FUT8: variants seen among roughly 807,000 people sequenced by gnomAD.
The protein encoded by FUT8 is fucosyltransferase 8.
In FUT8, 29 loss-of-function variants were observed where a neutral mutation model predicts 71.3. That is an observed-to-expected ratio of 0.41 (90% CI 0.30 to 0.55). The LOEUF is 0.55. FUT8 is among the 20% of genes least tolerant of loss of function. The pLI is 0.34. For synonymous variants in FUT8, 254 were observed against 239.3 expected (o/e 1.06, Z -0.57); for missense variants, 544 against 702.1 (o/e 0.77, Z 2.55).
At position 65,467,695 on chromosome 14, in the gene FUT8, C is replaced by T. The variant is rs956723905; in HGVS notation, c.-228+11977C>T. The stretch of plus-strand genomic sequence containing the variant: ...TTCACTATGTTGGCCAGGCTGGTCT[C>T]GAACTCCTGACCTCATGGTCTGCCC... On this transcript the variant is annotated intron_variant, in intron 2 of 10. Transcript: ENST00000673929. This position sits in a 1 kb window ranked among gnomAD's most constrained non-coding sequence, Gnocchi z 4.1. The T allele has an allele frequency of 5.5e-6, 2 of 366,666 alleles. No homozygotes were observed. Among genetic ancestry groups the T allele is most frequent in the Non-Finnish European group, 1.0e-5 (2 of 194,462 alleles). The allele number at this position is 366,666 out of a possible 1,614,324, so 22.7% of individuals were successfully genotyped here.
intron 3 of FUT8, among the ~76,000 whole-genome samples, chr14:65,577,111 A>C (rs906088855): frequency 1.3e-5 from 2 of 151,916 alleles, no homozygotes; most frequent in African/African-American, 4.8e-5. Flanking sequence ...CAGCCTTCCA[A>C]AGTGCTGGGA....
At chr14:65,456,606 G>A (rs1349014977) in intron 2 of FUT8, among the ~76,000 whole-genome samples, 2 of 152,060 alleles carry the variant, frequency 1.3e-5, no homozygotes, top group Non-Finnish European at 2.9e-5. Flanking sequence ...GGGGCATGGT[G>A]GCTCAAACCT....
At chr14:65,412,150 A>G (rs1338836192), upstream of FUT8, 14 of 456,174 alleles carry the variant, frequency 3.1e-5, no homozygotes, top group Admixed American at 1.4e-4. Flanking sequence ...TTTCTCTTCG[A>G]GTGAATGTGG....
intron 2 of FUT8, 76 bp from the exon 3 acceptor site, chr14:65,561,261 T>C: frequency 3.7e-6 from 1 of 272,848 alleles, no homozygotes; most frequent in African/African-American, 2.2e-5. Flanking sequence ...CACCAATGTG[T>C]TTCCTCCAAG....
At chr14:65,439,993 T>TATATAC (rs1555361023) in intron 1 of FUT8, among the ~76,000 whole-genome samples, 9 of 138,162 alleles carry the variant, frequency 6.5e-5, no homozygotes, top group African/African-American at 2.1e-4. Context: ...TATATATATG[T>TATATAC]ACACACACAC....
At chr14:65,403,795 T>A in the FUT8 span, among the ~76,000 whole-genome samples, 1 of 151,852 alleles carries the variant, frequency 6.6e-6, no homozygotes, top group African/African-American at 2.4e-5. Context: ...CTACCCATCC[T>A]TCCCCAGATT....
chr14:65,541,940 C>T (rs534826722), intron 2 of FUT8, among the ~76,000 whole-genome samples: 1 of 152,252 alleles, frequency 6.6e-6, no homozygotes, highest in African/African-American at 2.4e-5. Flanking sequence ...CCAGCATGTT[C>T]TTAATAATAG....
intron 2 of FUT8, among the ~76,000 whole-genome samples, chr14:65,504,093 A>G (rs2066688315): frequency 6.6e-6 from 1 of 152,160 alleles, no homozygotes; most frequent in African/African-American, 2.4e-5. Context: ...AGCTGTTTGA[A>G]TTTCTTACTT....
intron 9 of FUT8, among the ~76,000 whole-genome samples, chr14:65,728,514 A>G (rs1895800164): frequency 6.6e-6 from 1 of 152,228 alleles, no homozygotes; most frequent in African/African-American, 2.4e-5. Flanking sequence ...CAGCCAAACC[A>G]TATCATTACC....
chr14:65,654,784 A>AC (rs1319993594), intron 6 of FUT8, among the ~76,000 whole-genome samples: 4 of 152,192 alleles, frequency 2.6e-5, no homozygotes, highest in African/African-American at 9.6e-5. Flanking sequence ...AAAGTGGCGT[A>AC]CTTAAATCCC....
At chr14:65,367,175 G>C in the FUT8 span, among the ~76,000 whole-genome samples, 1 of 152,156 alleles carries the variant, frequency 6.6e-6, no homozygotes, top group Non-Finnish European at 1.5e-5. Flanking sequence ...TTTCCCCATG[G>C]GATGGAGCAG....
chr14:65,495,983 G>A (rs957785523), intron 2 of FUT8, among the ~76,000 whole-genome samples: 1 of 151,934 alleles, frequency 6.6e-6, no homozygotes, highest in Non-Finnish European at 1.5e-5. Context: ...AATAAATTTA[G>A]ACACAAAAAA....
At chr14:65,666,815 G>C (rs1251174697) in intron 6 of FUT8, among the ~76,000 whole-genome samples, 1 of 152,144 alleles carries the variant, frequency 6.6e-6, no homozygotes, top group African/African-American at 2.4e-5. Context: ...ATATCAAAAA[G>C]TTAATTCACC....
At chr14:65,509,092 T>C (rs1265488096) in intron 2 of FUT8, among the ~76,000 whole-genome samples, 1 of 152,172 alleles carries the variant, frequency 6.6e-6, no homozygotes, top group Admixed American at 6.5e-5. Context: ...TATTTTGATT[T>C]GAGTTTTGTA....
At chr14:65,448,261 G>A (rs1402606390) in intron 1 of FUT8, among the ~76,000 whole-genome samples, 1 of 152,122 alleles carries the variant, frequency 6.6e-6, no homozygotes, top group African/African-American at 2.4e-5. Context: ...TGCAGGCAGG[G>A]GGTGATGAAA....
At chr14:65,621,047 C>G (rs2140240347) in intron 5 of FUT8, among the ~76,000 whole-genome samples, 1 of 152,250 alleles carries the variant, frequency 6.6e-6, no homozygotes, top group African/African-American at 2.4e-5. Flanking sequence ...TGTTTTTCAT[C>G]TAGTAGTTCT....
intron 10 of FUT8, among the ~76,000 whole-genome samples, chr14:65,735,021 T>G (rs751649444): frequency 6.6e-6 from 1 of 152,140 alleles, no homozygotes; most frequent in Non-Finnish European, 1.5e-5. Flanking sequence ...AAAATTGCCC[T>G]GGTTGAGAAC....
chr14:65,710,868 G>T (rs1894782029), intron 7 of FUT8, among the ~76,000 whole-genome samples: 1 of 152,188 alleles, frequency 6.6e-6, no homozygotes, highest in Non-Finnish European at 1.5e-5. Context: ...TCTGGTGAGG[G>T]CTTCAGAAAG....
intron 3 of FUT8, among the ~76,000 whole-genome samples, chr14:65,568,359 CT>C (rs1224972700): frequency 5.3e-5 from 8 of 150,044 alleles, no homozygotes; most frequent in African/African-American, 1.5e-4. Flanking sequence ...AACCTCTGTG[CT>C]TTTTTTTTCT....
Sources: gnomAD v4.1 joint callset for allele counts (sites outside exome capture counted in the v4.1 genomes callset) on GRCh38, gnomAD v4.1.1 for gene constraint, Gnocchi (gnomAD v3.1) non-coding constraint, MANE v1.5 for transcripts, NCBI Gene and HGNC (gene_info 2026-07-23, HGNC 2026-07-21) for gene names.